MAP2: variants seen among roughly 807,000 people sequenced by gnomAD.
MAP2 encodes microtubule-associated protein 2.
A neutral mutation model predicts 137.6 loss-of-function variants in MAP2; 14 were observed. The ratio of observed to expected loss-of-function variants is 0.10; its 90% CI spans 0.07 to 0.16. MAP2 has a LOEUF of 0.16. Ranked by LOEUF, MAP2 falls within the 10% of genes least tolerant of loss-of-function variation. The pLI is 1.00. For missense variants in MAP2, 2,088 were observed against 2,191.5 expected (o/e 0.95, Z 0.94); for synonymous variants, 786 against 782.3 (o/e 1.00, Z -0.08).
chr2:209,460,353 A>G (rs1702468525), intron 1 of MAP2, among the ~76,000 whole-genome samples: 1 of 152,324 alleles, frequency 6.6e-6, no homozygotes, highest in East Asian at 1.9e-4. Flanking sequence ...AGGTGGTTTT[A>G]AAAAGAACAA....
In MAP2 at chr2:209,710,122, A is replaced by T. The variant is rs1406293123; in HGVS notation, c.4941A>T (p.Ile1647=). 2.2e-5 allele frequency: 35 copies of T among 1,613,924 alleles called. No homozygotes were observed. The highest frequency in any genetic ancestry group is 3.0e-5 in the Non-Finnish European group (35 of 1,180,016). Reference sequence around the variant, plus strand: ...CGAGTGAGAAGAAGGTCGCCATCATACGTACTCCTCCAAAATCTCCTGCGA... The same window carrying T: ...CGAGTGAGAAGAAGGTCGCCATCATTCGTACTCCTCCAAAATCTCCTGCGA... The part of the protein sequence containing the change: ...LVPSEKKVAI[I]RTPPKSPATP... Residue 1647 remains isoleucine (I), a synonymous_variant, in exon 13 of 16, where the codon ATA becomes ATT. Transcript: ENST00000682079.
intron 5 of MAP2, among the ~76,000 whole-genome samples, chr2:209,662,084 A>G (rs2043920798): frequency 6.6e-6 from 1 of 152,214 alleles, no homozygotes; most frequent in African/African-American, 2.4e-5. Flanking sequence ...GTTTCTCAAG[A>G]CTTGTTTCCA....
At chr2:209,557,721 A>G (rs2071017342) in intron 2 of MAP2, among the ~76,000 whole-genome samples, 1 of 152,226 alleles carries the variant, frequency 6.6e-6, no homozygotes, top group Non-Finnish European at 1.5e-5. Flanking sequence ...AGGCAGCTAA[A>G]GGTAACAGGT....
chr2:209,508,068 T>C (rs1157590276), intron 2 of MAP2, among the ~76,000 whole-genome samples: 1 of 152,116 alleles, frequency 6.6e-6, no homozygotes, highest in East Asian at 1.9e-4. Flanking sequence ...GAGGGTAGAA[T>C]TGAAAACGTA....
chr2:209,581,641 A>G (rs949882365), intron 3 of MAP2, among the ~76,000 whole-genome samples: 3 of 152,180 alleles, frequency 2.0e-5, no homozygotes, highest in Admixed American at 1.3e-4. Context: ...CAGAGAGCAT[A>G]TATTTCACAT....
chr2:209,617,652 T>C (rs2089944116), intron 3 of MAP2, among the ~76,000 whole-genome samples: 2 of 152,118 alleles, frequency 1.3e-5, no homozygotes, highest in Admixed American at 1.3e-4. Flanking sequence ...CCTCTTCTTA[T>C]AAGGACTCAG....
chr2:209,463,884 A>G (rs750982113), intron 1 of MAP2, among the ~76,000 whole-genome samples: 33 of 152,246 alleles, frequency 2.2e-4, no homozygotes, highest in South Asian at 8.3e-4. Context: ...GAAGTAAAGA[A>G]AATTGTTGGT....
At chr2:209,458,319 T>C (rs765389925) in intron 1 of MAP2, among the ~76,000 whole-genome samples, 1 of 152,194 alleles carries the variant, frequency 6.6e-6, no homozygotes, top group Non-Finnish European at 1.5e-5. Flanking sequence ...ACTCAAAGAC[T>C]GTATAGTTAT....
At chr2:209,493,810 T>C (rs1372908623) in intron 1 of MAP2, among the ~76,000 whole-genome samples, 2 of 152,072 alleles carry the variant, frequency 1.3e-5, no homozygotes, top group Non-Finnish European at 2.9e-5. Context: ...CATAGAGAAA[T>C]AGGAATGCTT....
intron 1 of MAP2, among the ~76,000 whole-genome samples, chr2:209,432,049 A>T (rs970508207): frequency 2.0e-5 from 3 of 152,160 alleles, no homozygotes; most frequent in South Asian, 4.1e-4. Flanking sequence ...TGAACTATCC[A>T]TACTGATGCC....
intron 10 of MAP2, among the ~76,000 whole-genome samples, 167 bp downstream of exon 10, chr2:209,697,218 C>G (rs2060413320): frequency 6.6e-6 from 1 of 151,770 alleles, no homozygotes; most frequent in East Asian, 1.9e-4. Flanking sequence ...TTTCCCCCCT[C>G]CTTACAGAAA....
In MAP2 at chr2:209,694,748, A is replaced by G; in HGVS notation, c.2578A>G (p.Thr860Ala). 1 of 1,614,138 alleles carries G rather than the reference A, an allele frequency of 6.2e-7. No individual in the cohort carries two copies. Among genetic ancestry groups the G allele is most frequent in the Non-Finnish European group, 8.5e-7 (1 of 1,180,024 alleles). The change falls in exon 8 of 16, where the codon ACG becomes GCG. Residue 860 changes from threonine (T) to alanine (A), a missense_variant. Coordinates refer to ENST00000682079, the MANE Select transcript of MAP2 (RefSeq NM_001375505.1). ...TGATGAAAACCATGTCATTGTAAAA[A>G]CGGACAGTCAGCTCGAAGACCTGGG... is the stretch of plus-strand genomic sequence containing the variant. ...VTDENHVIVK[T>A]DSQLEDLGYC...
chr2:209,523,081 C>G (rs1246128326), intron 2 of MAP2, among the ~76,000 whole-genome samples: 1 of 152,032 alleles, frequency 6.6e-6, no homozygotes. Flanking sequence ...GCCTTATTTC[C>G]TGCCATCTCT....
At chr2:209,454,381 C>A (rs1486361177) in intron 1 of MAP2, among the ~76,000 whole-genome samples, 1 of 152,068 alleles carries the variant, frequency 6.6e-6, no homozygotes, top group Non-Finnish European at 1.5e-5. Flanking sequence ...GTCACCCAGG[C>A]TGGAGTGCAG....
intron 3 of MAP2, among the ~76,000 whole-genome samples, chr2:209,620,525 T>G (rs1270357728): frequency 2.0e-5 from 3 of 152,234 alleles, no homozygotes; most frequent in African/African-American, 7.2e-5. Context: ...TCTCTGATAT[T>G]TTCAATTATC....
chr2:209,685,170 A>G (rs1272641985), intron 7 of MAP2, among the ~76,000 whole-genome samples: 1 of 152,164 alleles, frequency 6.6e-6, no homozygotes, highest in Non-Finnish European at 1.5e-5. Flanking sequence ...CGGTTGCACT[A>G]CATCCCTAAA....
intron 1 of MAP2, among the ~76,000 whole-genome samples, chr2:209,503,832 A>G (rs906147484): frequency 6.6e-6 from 1 of 152,182 alleles, no homozygotes; most frequent in African/African-American, 2.4e-5. Context: ...GTGTGCTGCA[A>G]ACGTTGGGTT....
chr2:209,659,166 A>AT (rs963430721), intron 5 of MAP2, among the ~76,000 whole-genome samples: 14 of 151,508 alleles, frequency 9.2e-5, no homozygotes, highest in South Asian at 2.1e-4. Flanking sequence ...AGTGGTATGG[A>AT]TTTTTTTTTC....
intron 4 of MAP2, among the ~76,000 whole-genome samples, chr2:209,650,323 C>T (rs1339385676): frequency 6.6e-6 from 1 of 152,180 alleles, no homozygotes; most frequent in Non-Finnish European, 1.5e-5. Flanking sequence ...ACATCACTGC[C>T]TTTGCCTGAG....
Sources: gnomAD v4.1 joint callset for allele counts (sites outside exome capture counted in the v4.1 genomes callset) on GRCh38, gnomAD v4.1.1 for gene constraint, MANE v1.5 for transcripts, NCBI Gene and HGNC (gene_info 2026-07-23, HGNC 2026-07-21) for gene names.